Variants in KIAA1671 observed in about 807,000 individuals in gnomAD.
The protein encoded by KIAA1671 is uncharacterized protein KIAA1671.
KIAA1671 carries 52 observed loss-of-function variants against 131.2 expected under a neutral mutation model. The observed-to-expected ratio is 0.40, with a 90% confidence interval of 0.32 to 0.50. KIAA1671 has a LOEUF of 0.50. Among genes scored for constraint, KIAA1671 ranks in the 20% least tolerant of loss-of-function variants. The probability of loss-of-function intolerance (pLI) is 0.73; values close to 1 mark genes in which losing one functional copy is unlikely to be tolerated. For synonymous variants in KIAA1671, 1,003 were observed against 961.6 expected (o/e 1.04, Z -0.80); for missense variants, 2,360 against 2,364.2 (o/e 1.00, Z 0.04).
At chr22:24,962,444 C>CCAT (rs976083318) in intron 1 of KIAA1671, among the ~76,000 whole-genome samples, 1 of 152,120 alleles carries the variant, frequency 6.6e-6, no homozygotes, top group Non-Finnish European at 1.5e-5. Flanking sequence ...ATTCCGCCAC[C>CCAT]CATTCCCTTG....
intron 6 of KIAA1671, chr22:25,062,783 T>A (rs1358948651): frequency 6.7e-6 from 1 of 150,374 alleles, no homozygotes; most frequent in African/African-American, 2.5e-5. Context: ...GGATGGAAAA[T>A]GTGTTTGCTG....
At chr22:24,989,680 G>A (rs1923736071) in intron 1 of KIAA1671, among the ~76,000 whole-genome samples, 1 of 152,122 alleles carries the variant, frequency 6.6e-6, no homozygotes, top group Admixed American at 6.5e-5. Flanking sequence ...TCCCTGGGTG[G>A]GGAAGAAACT....
chr22:24,953,447 C>G (rs1806503203), intron 1 of KIAA1671, among the ~76,000 whole-genome samples: 2 of 152,010 alleles, frequency 1.3e-5, no homozygotes. Context: ...GCGCGGGGCC[C>G]CTCGGACGCG....
intron 6 of KIAA1671, among the ~76,000 whole-genome samples, chr22:25,093,802 C>CTCTCTG (rs1930224844): frequency 2.8e-5 from 4 of 141,128 alleles, no homozygotes; most frequent in Admixed American, 2.1e-4. Flanking sequence ...CTCTCTCTCT[C>CTCTCTG]TCTCTCTCTG....
At chr22:25,036,237 C>T (rs1926586639) in intron 4 of KIAA1671, among the ~76,000 whole-genome samples, 1 of 151,986 alleles carries the variant, frequency 6.6e-6, no homozygotes, top group Admixed American at 6.6e-5. Context: ...TGCGCCACCA[C>T]ACCTGGCTAA....
intron 10 of KIAA1671, 94 bp from the exon 11 acceptor site, chr22:25,184,883 T>G: frequency 6.8e-7 from 1 of 1,471,364 alleles, no homozygotes; most frequent in Non-Finnish European, 9.3e-7. Flanking sequence ...CCCCGAGTGT[T>G]TGCAGAAGGC....
At chr22:25,189,126 C>CTTTTTTTTTTT (rs200226589) in intron 11 of KIAA1671, among the ~76,000 whole-genome samples, 21 of 114,852 alleles carry the variant, frequency 1.8e-4, no homozygotes, top group East Asian at 2.5e-4. Flanking sequence ...CAGTCTTTTT[C>CTTTTTTTTTTT]TTTTTTTTTT....
Position 25,138,107 on chromosome 22 carries a change from C to T in KIAA1671, c.4531-32713C>T, listed in dbSNP as rs542201443. ...CAGTGACAAATGGCCCTCAAAACTT[C>T]AGTGGCTTAAAACAGAAAAATAGGT... On this transcript the variant is annotated intron_variant, in intron 6 of 12. Transcript: ENST00000358431. Among the ~76,000 whole-genome samples the T allele has an allele frequency of 4.8e-4, 73 of 152,328 alleles. No homozygotes were observed. In the South Asian group the frequency reaches 0.015, roughly 31 times the overall value.
At chr22:25,031,573 G>C (rs1467231195) in intron 3 of KIAA1671, among the ~76,000 whole-genome samples, 1 of 151,718 alleles carries the variant, frequency 6.6e-6, no homozygotes, top group Non-Finnish European at 1.5e-5. Context: ...CTCATGATCT[G>C]CCCGCCTCAG....
intron 7 of KIAA1671, among the ~76,000 whole-genome samples, chr22:25,171,221 G>A (rs1933837188): frequency 6.6e-6 from 1 of 151,974 alleles, no homozygotes; most frequent in Non-Finnish European, 1.5e-5. Flanking sequence ...GAAACATGGT[G>A]GAACCCCGTC....
At chr22:25,088,935 T>C (rs745949656) in intron 6 of KIAA1671, among the ~76,000 whole-genome samples, 14 of 152,214 alleles carry the variant, frequency 9.2e-5, no homozygotes, top group Non-Finnish European at 1.5e-4. Context: ...TATCCATGGT[T>C]TCCGTATCCG....
intron 6 of KIAA1671, among the ~76,000 whole-genome samples, chr22:25,134,332 G>T (rs1932576948): frequency 6.6e-6 from 1 of 152,172 alleles, no homozygotes; most frequent in Non-Finnish European, 1.5e-5. Context: ...TTTAAGGAGG[G>T]TGGGGTCCAT....
chr22:25,049,230 G>C lies in KIAA1671; in HGVS notation c.4396G>C (p.Val1466Leu). The C allele has an allele frequency of 6.4e-7, 1 of 1,551,814 alleles. No individual in the cohort carries two copies. ...WESGTGDSHKVLPRDLEKEDA... is the reference protein window; with the variant it reads ...WESGTGDSHKLLPRDLEKEDA... The stretch of plus-strand genomic sequence containing the variant: ...CCTTTTCTTGTGCTCTGTGTTTCAG[G>C]TGCTGCCACGGGACCTGGAGAAGGA... The change falls in exon 6 of 13, where the codon GTG (valine) becomes CTG (leucine). Residue 1466 changes from valine to leucine, a missense_variant and splice_region_variant. Transcript: ENST00000358431.
chr22:25,043,364 C>T (rs1456047537), intron 5 of KIAA1671, among the ~76,000 whole-genome samples: 18 of 152,140 alleles, frequency 1.2e-4, no homozygotes, highest in Non-Finnish European at 1.3e-4. Flanking sequence ...GCTGTGTGAT[C>T]ATCTTCCTGT....
rs533879703 is a variant in KIAA1671 at position 25,103,983 on chromosome 22, G to GTT, written c.4530+54621_4530+54622dup. Among the ~76,000 whole-genome samples the GTT allele has an allele frequency of 1.3e-3, 196 of 151,974 alleles. 2 individuals are homozygous for GTT. Among genetic ancestry groups the GTT allele is most frequent in the Middle Eastern group, 6.8e-3 (2 of 294 alleles). ...CACTGTACCACCTTCTTTTTTGTTTGTTTGTTTTGTTTTGAGATGGAATCT... is the reference window on the plus strand; with the variant it reads ...CACTGTACCACCTTCTTTTTTGTTTGTTTTTGTTTTGTTTTGAGATGGAATCT... On this transcript the variant is annotated intron_variant, in intron 6 of 12. Coordinates refer to ENST00000358431, the MANE Select transcript of KIAA1671 (RefSeq NM_001145206.2).
rs1934844643 is a variant in KIAA1671 at position 25,196,846 on chromosome 22, G to A, written c.*4445G>A. 6.6e-6 allele frequency: 1 copy of A among 152,052 alleles called. No homozygotes were observed. The highest frequency in any genetic ancestry group is 2.1e-4 in the South Asian group (1 of 4,818). 9.4% of individuals were successfully genotyped at this position (152,052 alleles called of 1,614,324 possible). A position where few individuals can be genotyped will look rare whatever the true frequency, so the allele number is the denominator to read the frequency against. On this transcript the variant is annotated 3_prime_UTR_variant, in exon 13 of 13. Transcript: ENST00000358431. ...ATGGAAGATAATTTTGTACTGTGCTGTTTCCTAAATCATACCAATATCCTA... is the reference window on the plus strand; with the variant it reads ...ATGGAAGATAATTTTGTACTGTGCTATTTCCTAAATCATACCAATATCCTA...
chr22:25,014,857 G>A (rs1925220896), intron 1 of KIAA1671: 1 of 150,852 alleles, frequency 6.6e-6, no homozygotes, highest in African/African-American at 2.5e-5. Context: ...TCACACCCTT[G>A]GGGGAAGTCC....
At chr22:25,003,400 ATTTTTTTT>A (rs71191013) in intron 1 of KIAA1671, among the ~76,000 whole-genome samples, 33 of 113,836 alleles carry the variant, frequency 2.9e-4, no homozygotes, top group Non-Finnish European at 4.6e-4. Context: ...ACTTGGAGAG[ATTTTTTTT>A]TTTTTTTTTT....
chr22:25,102,274 G>A (rs1264213081), intron 6 of KIAA1671, among the ~76,000 whole-genome samples: 1 of 152,248 alleles, frequency 6.6e-6, no homozygotes, highest in Non-Finnish European at 1.5e-5. Flanking sequence ...CCTTAGGGCA[G>A]CCCTCGGTCT....
Sources: gnomAD v4.1 joint callset for allele counts (sites outside exome capture counted in the v4.1 genomes callset) on GRCh38, gnomAD v4.1.1 for gene constraint, MANE v1.5 for transcripts, NCBI Gene and HGNC (gene_info 2026-07-23, HGNC 2026-07-21) for gene names.